Variants in PPP1R9A observed in about 807,000 individuals in gnomAD.
The protein encoded by PPP1R9A is neurabin-1.
Under a neutral mutation model 141.9 loss-of-function variants are expected in PPP1R9A, and 59 were observed. The observed-to-expected ratio is 0.42, with a 90% CI of 0.34 to 0.52. The LOEUF (loss-of-function observed/expected upper bound fraction) is 0.52. Among genes scored for constraint, PPP1R9A ranks in the 20% least tolerant of loss-of-function variants. PPP1R9A has a pLI of 0.10. For synonymous variants in PPP1R9A, 500 were observed against 569.7 expected (o/e 0.88, Z 1.74); for missense variants, 1,444 against 1,611.9 (o/e 0.90, Z 1.78).
chr7:95,079,294 A>T (rs1563206503), intron 2 of PPP1R9A, among the ~76,000 whole-genome samples: 2 of 152,002 alleles, frequency 1.3e-5, no homozygotes. Context: ...ATAGTTGTAG[A>T]TATGCGGCAT....
chr7:95,267,377 C>T (rs1303898006), intron 12 of PPP1R9A, among the ~76,000 whole-genome samples: 3 of 152,116 alleles, frequency 2.0e-5, no homozygotes, highest in Non-Finnish European at 4.4e-5. Context: ...CAGCTAATGA[C>T]TGCCACTCTG....
intron 2 of PPP1R9A, among the ~76,000 whole-genome samples, chr7:95,074,099 T>C (rs2152213077): frequency 6.6e-6 from 1 of 152,334 alleles, no homozygotes; most frequent in South Asian, 2.1e-4. Context: ...TGTGTCTCAG[T>C]TTCCTCATGC....
intron 12 of PPP1R9A, among the ~76,000 whole-genome samples, chr7:95,262,879 T>C (rs1423898537): frequency 1.3e-5 from 2 of 152,218 alleles, no homozygotes; most frequent in Admixed American, 6.5e-5. Context: ...AATAATCTTC[T>C]GCTTGTTCTG....
chr7:94,986,905 A>G (rs1035814599), intron 2 of PPP1R9A, among the ~76,000 whole-genome samples: 2 of 152,226 alleles, frequency 1.3e-5, no homozygotes, highest in African/African-American at 4.8e-5. Context: ...TTAATGTTGT[A>G]AAAGTATCCA....
At chr7:95,268,375 T>C (rs1801626394) in intron 12 of PPP1R9A, among the ~76,000 whole-genome samples, 175 bp from the exon 13 acceptor site, 1 of 152,126 alleles carries the variant, frequency 6.6e-6, no homozygotes, top group Admixed American at 6.6e-5. Context: ...TGACTTTGTA[T>C]ATTTCTCCTA....
At chr7:95,003,194 A>G (rs1803173987) in intron 2 of PPP1R9A, among the ~76,000 whole-genome samples, 1 of 152,180 alleles carries the variant, frequency 6.6e-6, no homozygotes, top group Non-Finnish European at 1.5e-5. Context: ...TTAGTTGCTA[A>G]AGAAAACAGT....
chr7:95,171,997 T>A (rs939905760), intron 5 of PPP1R9A, among the ~76,000 whole-genome samples: 3 of 151,800 alleles, frequency 2.0e-5, no homozygotes, highest in Non-Finnish European at 4.4e-5. Flanking sequence ...ACCCATGGAA[T>A]TTTTCTTACT....
intron 5 of PPP1R9A, among the ~76,000 whole-genome samples, chr7:95,179,063 C>T (rs1316814678): frequency 6.6e-6 from 1 of 151,954 alleles, no homozygotes; most frequent in Non-Finnish European, 1.5e-5. Flanking sequence ...CAGAAAAGGA[C>T]ATAACCAAAA....
chr7:95,139,744 T>G lies in PPP1R9A; in HGVS notation c.1649+18912T>G, dbSNP rs1280458350. ...TAGAATGAAGACTGAATTTCAGCTT[T>G]CTTTATATTCCCTCATGTGGGAGCT... On this transcript the variant is annotated intron_variant, in intron 4 of 19. Transcript: ENST00000433360. 2.6e-5 allele frequency among the ~76,000 whole-genome samples: 4 copies of G among 151,826 alleles called. No individual in the cohort carries two copies. In the East Asian group the frequency reaches 5.8e-4, roughly 22 times the overall value.
chr7:95,058,110 A>G (rs1197930367), intron 2 of PPP1R9A, among the ~76,000 whole-genome samples: 1 of 152,178 alleles, frequency 6.6e-6, no homozygotes, highest in Non-Finnish European at 1.5e-5. Flanking sequence ...ACTGTAAATA[A>G]TCATCTTAAA....
At position 95,237,186 on chromosome 7, in the gene PPP1R9A, T is replaced by A. The variant is rs1468945250; in HGVS notation, c.2113-10287T>A. On this transcript the variant is annotated intron_variant, in intron 8 of 19. Coordinates refer to ENST00000433360, the MANE Select transcript of PPP1R9A (RefSeq NM_001166160.2). ...ATGTGTATATATATATATATTTTTT[T>A]TTTTTTATGGTTTTTTGTTTTTTTT... Among the ~76,000 whole-genome samples the A allele has an allele frequency of 1.9e-3, 288 of 149,500 alleles. 1 individual carries two copies. Among genetic ancestry groups the A allele is most frequent in the Middle Eastern group, 3.5e-3 (1 of 284 alleles).
chr7:95,089,825 T>C (rs1242815420), intron 2 of PPP1R9A, among the ~76,000 whole-genome samples: 1 of 151,898 alleles, frequency 6.6e-6, no homozygotes, highest in Non-Finnish European at 1.5e-5. Flanking sequence ...TAGATGTAAC[T>C]CAGGGAACTA....
At chr7:95,233,553 A>G (rs1006375163) in intron 8 of PPP1R9A, among the ~76,000 whole-genome samples, 1 of 152,136 alleles carries the variant, frequency 6.6e-6, no homozygotes, top group Non-Finnish European at 1.5e-5. Context: ...TGCCAACAAA[A>G]ATAGTCCAGG....
chr7:94,982,969 T>G (rs897569322), intron 2 of PPP1R9A, among the ~76,000 whole-genome samples: 2 of 152,202 alleles, frequency 1.3e-5, no homozygotes, highest in East Asian at 3.9e-4. Context: ...ATTTAAGTCT[T>G]TAATCCATCT....
chr7:94,976,232 T>G (rs2151279242), intron 2 of PPP1R9A, among the ~76,000 whole-genome samples: 1 of 152,276 alleles, frequency 6.6e-6, no homozygotes, highest in Admixed American at 6.5e-5. Flanking sequence ...ACTAAATTAT[T>G]AATAACATAA....
intron 5 of PPP1R9A, among the ~76,000 whole-genome samples, chr7:95,181,307 A>AAT (rs904729705): frequency 7.0e-6 from 1 of 142,198 alleles, no homozygotes; most frequent in Non-Finnish European, 1.5e-5. Context: ...GAATAGAGAG[A>AAT]ATATATATAG....
chr7:95,129,430 A>G (rs189761355), intron 4 of PPP1R9A, among the ~76,000 whole-genome samples: 1 of 152,214 alleles, frequency 6.6e-6, no homozygotes, highest in Non-Finnish European at 1.5e-5. Context: ...CCCCACCCAC[A>G]TGGAACTATA....
At chr7:95,161,374 C>A (rs1830443964) in intron 4 of PPP1R9A, among the ~76,000 whole-genome samples, 1 of 151,954 alleles carries the variant, frequency 6.6e-6, no homozygotes, top group Non-Finnish European at 1.5e-5. Context: ...TGGAAATAGT[C>A]TTTTTAAAAC....
chr7:94,962,603 G>A (rs896954968), intron 2 of PPP1R9A, among the ~76,000 whole-genome samples: 4 of 152,030 alleles, frequency 2.6e-5, no homozygotes, highest in East Asian at 1.9e-4. Flanking sequence ...ATTTATAAGC[G>A]TATAGTATTC....
Sources: allele counts gnomAD v4.1 joint callset (sites outside exome capture counted in the v4.1 genomes callset), GRCh38; gene constraint gnomAD v4.1.1; transcripts MANE v1.5; gene names NCBI Gene and HGNC (gene_info 2026-07-23, HGNC 2026-07-21).